EPS8L3: variants seen among roughly 807,000 people sequenced by gnomAD.
EPS8L3 encodes epidermal growth factor receptor kinase substrate 8-like protein 3.
Under a neutral mutation model 88.5 loss-of-function variants are expected in EPS8L3, and 80 were observed. The observed-to-expected ratio is 0.90, with a 90% confidence interval of 0.75 to 1.09. EPS8L3 has a LOEUF of 1.09. EPS8L3 is among the 50% of genes least tolerant of loss of function. The pLI, the probability that EPS8L3 is intolerant of heterozygous loss-of-function variation, is 0.00. For synonymous variants in EPS8L3, 286 were observed against 291.0 expected (o/e 0.98, Z 0.18); for missense variants, 721 against 735.2 (o/e 0.98, Z 0.22).
chr1:109,760,820 C>G (rs1338904749), intron 3 of EPS8L3, among the ~76,000 whole-genome samples: 1 of 152,072 alleles, frequency 6.6e-6, no homozygotes, highest in Non-Finnish European at 1.5e-5. Context: ...TGGCTTCTAC[C>G]CCAGAGCTCC....
At chr1:109,750,568 G>C (rs1382345247) in intron 18 of EPS8L3, 92 bp downstream of exon 18, 1 of 1,596,848 alleles carries the variant, frequency 6.3e-7, no homozygotes, top group African/African-American at 1.3e-5. Context: ...CTGCCCCAGG[G>C]CTGGGCCTGC....
intron 8 of EPS8L3, 57 bp downstream of exon 8, chr1:109,758,259 T>C: frequency 6.6e-7 from 1 of 1,512,080 alleles, no homozygotes; most frequent in Non-Finnish European, 9.2e-7. Context: ...AGGGTTGGTG[T>C]CCTTCCTTTT....
chr1:109,760,069 G>T (rs1294081916), intron 3 of EPS8L3, among the ~76,000 whole-genome samples: 1 of 152,150 alleles, frequency 6.6e-6, no homozygotes, highest in Non-Finnish European at 1.5e-5. Context: ...TGCAGGAGGG[G>T]TTTGAGGACT....
Position 109,751,857 on chromosome 1 carries a change from C to T in EPS8L3, c.1435-75G>A, listed in dbSNP as rs964901721. The T allele has an allele frequency of 1.9e-6, 3 of 1,597,114 alleles. No homozygotes were observed. The African/African-American group carries it at 4.0e-5, about 21-fold the overall frequency. ...TCCCTCCCCACACAAGGCTTTCTCC[C>T]TCCAGCTCTTTCCTACCCTCCTTCT... On this transcript the variant is annotated intron_variant, in intron 15 of 18. Transcript: ENST00000361965.
At chr1:109,755,993 ATG>A (rs1273168470) in intron 12 of EPS8L3, among the ~76,000 whole-genome samples, 5 of 152,146 alleles carry the variant, frequency 3.3e-5, no homozygotes, top group African/African-American at 1.2e-4. Flanking sequence ...TGCACTTGCC[ATG>A]TAGAAGTTTG....
intron 13 of EPS8L3, 112 bp downstream of exon 13, chr1:109,753,005 G>T: frequency 1.0e-6 from 1 of 964,274 alleles, no homozygotes; most frequent in Non-Finnish European, 1.6e-6. Flanking sequence ...GGAATTTGCT[G>T]GCTTGCCAGT....
Position 109,758,581 on chromosome 1 carries a change from G to A in EPS8L3, c.544C>T (p.Arg182Cys), listed in dbSNP as rs202083454. The part of the protein sequence containing the change: ...MERPLPMEQA[R>C]YLEPGIPPEQ... ...GGAGGGATCCCCGGCTCCAGATAGC[G>A]TGCCTGCTCCATAGGGAGCGGCCTT... Residue 182 changes from arginine to cysteine, a missense_variant, in exon 7 of 19, where the codon CGC becomes TGC. Physicochemically the swap from Arg to Cys is radical, Grantham distance 180. Transcript: ENST00000361965. 50 of 1,613,274 alleles carry A rather than the reference G, an allele frequency of 3.1e-5. No individual in the cohort carries two copies. The highest frequency in any genetic ancestry group is 6.7e-5 in the Admixed American group (4 of 59,914).
intron 13 of EPS8L3, 113 bp from the exon 14 acceptor site, chr1:109,752,833 C>A: frequency 2.1e-6 from 2 of 972,262 alleles, no homozygotes; most frequent in Non-Finnish European, 3.2e-6. Context: ...TGCCTCCTAT[C>A]CCCTTTCCTG....
intron 18 of EPS8L3, 105 bp downstream of exon 18, chr1:109,750,555 G>T: frequency 6.3e-7 from 1 of 1,592,294 alleles, no homozygotes; most frequent in Non-Finnish European, 8.6e-7. Context: ...GCCACACTCA[G>T]TTCTGCCCCA....
In EPS8L3 at chr1:109,750,264, G is replaced by C; in HGVS notation, c.*127C>G. The C allele has an allele frequency of 8.7e-7, 1 of 1,152,034 alleles. No individual in the cohort carries two copies. The highest frequency in any genetic ancestry group is 1.3e-6 in the Non-Finnish European group (1 of 791,258). The allele number at this position is 1,152,034 out of a possible 1,614,324, so 71.4% of individuals were successfully genotyped here. ...TGGGCCTGTCCATTGTTTTTGCTGT[G>C]TGAGCTGGGGTGTGGGGTTTGCTGC... On this transcript the variant is annotated 3_prime_UTR_variant, in exon 19 of 19. Transcript: ENST00000361965.
In EPS8L3 at chr1:109,756,884, T is replaced by C. The variant is rs575385424; in HGVS notation, c.1118+133A>G. The C allele has an allele frequency of 1.4e-5, 16 of 1,164,824 alleles. No individual in the cohort carries two copies. In the South Asian group the frequency reaches 2.3e-4, roughly 16 times the overall value. The allele number at this position is 1,164,824 out of a possible 1,614,324, so 72.2% of individuals were successfully genotyped here. ...TAGACAAATAAAAAGTTGGGAACTC[T>C]CTGTAGAGTCCCCCAAGTAGCTCTG... On this transcript the variant is annotated intron_variant, in intron 12 of 18. Coordinates refer to ENST00000361965, the MANE Select transcript of EPS8L3 (RefSeq NM_133181.4).
chr1:109,763,396 G>A (rs61427938), intron 1 of EPS8L3, among the ~76,000 whole-genome samples: 8,146 of 152,216 alleles, frequency 0.054, 760 homozygotes, highest in African/African-American at 0.19. Context: ...ACCAGGGTGG[G>A]CCCTGTGGGG....
At chr1:109,752,628 A>G in intron 14 of EPS8L3, 58 bp downstream of exon 14, 1 of 1,470,914 alleles carries the variant, frequency 6.8e-7, no homozygotes, top group Non-Finnish European at 9.3e-7. Context: ...GATCCAAAGG[A>G]ACAGCCCTGT....
intron 18 of EPS8L3, 27 bp downstream of exon 18, chr1:109,750,633 G>A: frequency 6.2e-7 from 1 of 1,613,944 alleles, no homozygotes; most frequent in Non-Finnish European, 8.5e-7. Flanking sequence ...ACTCCCAATG[G>A]TTGTCAGGAC....
In EPS8L3 at chr1:109,759,746, C is replaced by A; in HGVS notation, c.187G>T (p.Val63Leu). Residue 63 changes from valine to leucine, a missense_variant, in exon 4 of 19, where the codon GTG becomes TTG. Physicochemically the swap from Val to Leu is conservative, Grantham distance 32. Coordinates refer to ENST00000361965, the MANE Select transcript of EPS8L3 (RefSeq NM_133181.4). The surrounding 1 kb of genome is among the most constrained non-coding windows in gnomAD (Gnocchi z 4.2). ...KLFEMDAQGR[V>L]WSQDLILQVR... Reference sequence around the variant, plus strand: ...TGCAGGATCAAGTCTTGGCTCCACACCCGGCCCTGTGCATCCATCTCGAAC... The same window carrying A: ...TGCAGGATCAAGTCTTGGCTCCACAACCGGCCCTGTGCATCCATCTCGAAC... 1 of 1,614,132 alleles carries A rather than the reference C, an allele frequency of 6.2e-7. No individual in the cohort carries two copies. The highest frequency in any genetic ancestry group is 8.5e-7 in the Non-Finnish European group (1 of 1,180,030).
Position 109,751,798 on chromosome 1 carries a change from A to G in EPS8L3, c.1435-16T>C. ...GGTCCAGAACCTGCCAAGAGTCACC[A>G]CCTCAGTCCCCTGAGCCTCTTTCCA... On this transcript the variant is annotated splice_polypyrimidine_tract_variant and intron_variant, in intron 15 of 18. Transcript: ENST00000361965. 1.2e-6 allele frequency: 2 copies of G among 1,612,068 alleles called. No individual in the cohort carries two copies.
At position 109,752,003 on chromosome 1, in the gene EPS8L3, T is replaced by C. The variant is rs771786172; in HGVS notation, c.1426A>G (p.Lys476Glu). The stretch of plus-strand genomic sequence containing the variant: ...TATGGCCCAAGCCTCACCTCCAGCT[T>C]CTCTCCCTGGACCACAGTCAGTTCC... ...PRELTVVQGE[K>E]LEVLDHSKRW... is the part of the protein sequence containing the mutation. The change falls in exon 15 of 19, where the codon AAG (lysine) becomes GAG (glutamate). Residue 476 changes from lysine to glutamate, a missense_variant. Lys to Glu is a moderately conservative substitution (Grantham distance 56, BLOSUM62 1). Transcript: ENST00000361965. 1.9e-6 allele frequency: 3 copies of C among 1,605,590 alleles called. No homozygotes were observed. Among genetic ancestry groups the C allele is most frequent in the South Asian group, 1.1e-5 (1 of 89,986 alleles).
In EPS8L3 at chr1:109,758,511, G is replaced by A. The variant is rs957188710; in HGVS notation, c.601+13C>T. 4 of 1,568,616 alleles carry A rather than the reference G, an allele frequency of 2.6e-6. No individual in the cohort carries two copies. The highest frequency in any genetic ancestry group is 3.5e-6 in the Non-Finnish European group (4 of 1,157,866). Reference sequence around the variant, plus strand: ...AACCCTCTCCTTCACCTGCCCCCATGCCCCAAACTTACTGTGCTCTAGGGT... The same window carrying A: ...AACCCTCTCCTTCACCTGCCCCCATACCCCAAACTTACTGTGCTCTAGGGT... On this transcript the variant is annotated intron_variant, in intron 7 of 18. Transcript: ENST00000361965.
Position 109,759,858 on chromosome 1 carries a change from T to C in EPS8L3, c.97-22A>G. ...AGTGCTGCAGGGAGAGGGGGAGTCC[T>C]AGGACTGGGAGAAAGCTCAGAGAGG... On this transcript the variant is annotated intron_variant, in intron 3 of 18. Transcript: ENST00000361965. The surrounding 1 kb of genome is among the most constrained non-coding windows in gnomAD (Gnocchi z 4.2). The C allele has an allele frequency of 6.2e-7, 1 of 1,611,246 alleles. No homozygotes were observed. Among genetic ancestry groups the C allele is most frequent in the Non-Finnish European group, 8.5e-7 (1 of 1,178,840 alleles).
Sources: gnomAD v4.1 joint callset for allele counts (sites outside exome capture counted in the v4.1 genomes callset) on GRCh38, gnomAD v4.1.1 for gene constraint, Gnocchi (gnomAD v3.1) non-coding constraint, MANE v1.5 for transcripts, NCBI Gene and HGNC (gene_info 2026-07-23, HGNC 2026-07-21) for gene names.